Variants in AK8 observed in about 807,000 individuals in gnomAD.
AK8 encodes adenylate kinase 8, also known as ATP-AMP transphosphorylase 8.
Under a neutral mutation model 54.6 loss-of-function variants are expected in AK8, and 44 were observed. The observed-to-expected ratio is 0.81, with a 90% CI of 0.63 to 1.04. AK8 has a LOEUF of 1.04. Among genes scored for constraint, AK8 ranks in the 50% least tolerant of loss-of-function variants. The pLI is 0.00. For missense variants in AK8, 555 were observed against 613.6 expected (o/e 0.90, Z 1.01); for synonymous variants, 239 against 245.6 (o/e 0.97, Z 0.25).
intron 5 of AK8, among the ~76,000 whole-genome samples, chr9:132,845,991 G>T (rs1296846639): frequency 6.6e-6 from 1 of 152,106 alleles, no homozygotes; most frequent in Non-Finnish European, 1.5e-5. Flanking sequence ...GGGGAAAGAA[G>T]GGCAGTGCGG....
intron 5 of AK8, among the ~76,000 whole-genome samples, chr9:132,835,869 A>G (rs1340970501): frequency 6.6e-6 from 1 of 152,226 alleles, no homozygotes; most frequent in East Asian, 1.9e-4. Context: ...CACGCCTGTA[A>G]TCCCAGCACT....
intron 11 of AK8, among the ~76,000 whole-genome samples, chr9:132,734,700 T>C (rs746134584): frequency 1.6e-4 from 25 of 152,116 alleles, no homozygotes; most frequent in Admixed American, 5.9e-4. Flanking sequence ...CACACCACTG[T>C]ACTCCGGCCT....
Position 132,796,770 on chromosome 9 carries a change from TACACACACACACACAC to T in AK8, c.980-4011_980-3996del, listed in dbSNP as rs10590924. Among the ~76,000 whole-genome samples, 303 of 142,394 alleles carry T rather than the reference TACACACACACACACAC, an allele frequency of 2.1e-3. 2 individuals carry two copies. The highest frequency in any genetic ancestry group is 8.9e-3 in the South Asian group (38 of 4,264). 93.4% of individuals were successfully genotyped at this position (142,394 alleles called of 152,430 possible). A position where few individuals can be genotyped will look rare whatever the true frequency, so the allele number is the denominator to read the frequency against. On this transcript the variant is annotated intron_variant, in intron 10 of 12. Coordinates refer to ENST00000298545, the MANE Select transcript of AK8 (RefSeq NM_152572.3). ...TTAATATATACACATACATACATGC[TACACACACACACACAC>T]ACACACACACACACACACACACACA... is the stretch of plus-strand genomic sequence containing the variant.
intron 4 of AK8, 76 bp downstream of exon 4, chr9:132,863,589 A>C (rs1198296875): frequency 1.7e-5 from 17 of 985,182 alleles, no homozygotes; most frequent in Non-Finnish European, 2.7e-5. Flanking sequence ...CAAACCAAGC[A>C]ATGGTCAGGT....
chr9:132,845,147 G>A (rs1053234621), intron 5 of AK8, among the ~76,000 whole-genome samples: 25 of 152,188 alleles, frequency 1.6e-4, no homozygotes, highest in Non-Finnish European at 7.3e-5. Context: ...AGTGCAAGGT[G>A]CACCTGCAAT....
At chr9:132,849,359 A>G (rs987298676) in intron 5 of AK8, among the ~76,000 whole-genome samples, 3 of 152,210 alleles carry the variant, frequency 2.0e-5, no homozygotes, top group African/African-American at 7.2e-5. Context: ...GTCTTTCTAG[A>G]GCACAGCCGT....
intron 11 of AK8, among the ~76,000 whole-genome samples, chr9:132,740,590 A>G (rs1025580576): frequency 6.6e-6 from 1 of 152,188 alleles, no homozygotes; most frequent in Non-Finnish European, 1.5e-5. Context: ...GTTCCCGACT[A>G]CGCAGTGGAA....
chr9:132,770,948 C>A lies in AK8; in HGVS notation c.1121+21686G>T, dbSNP rs1191480982. Among the ~76,000 whole-genome samples the A allele has an allele frequency of 6.6e-6, 1 of 152,142 alleles. No individual in the cohort carries two copies. The highest frequency in any genetic ancestry group is 6.5e-5 in the Admixed American group (1 of 15,286). On this transcript the variant is annotated intron_variant, in intron 11 of 12. Coordinates refer to ENST00000298545, the MANE Select transcript of AK8 (RefSeq NM_152572.3). The surrounding 1 kb of genome is among the most constrained non-coding windows in gnomAD (Gnocchi z 4.3). ...GGGAGCAGCTGGTGGCCTCGGCAAA[C>A]GCAGCACAGGAGATGGGAGGGTCTG... is the stretch of plus-strand genomic sequence containing the variant.
At position 132,860,338 on chromosome 9, in the gene AK8, T is replaced by C. The variant is rs1843335508; in HGVS notation, c.333+3327A>G. Among the ~76,000 whole-genome samples the C allele has an allele frequency of 6.6e-6, 1 of 152,306 alleles. No individual in the cohort carries two copies. The highest frequency in any genetic ancestry group is 2.4e-5 in the African/African-American group (1 of 41,560). ...TGATAATGTGTCTCTATGCGTTTAC[T>C]GAAAAAGGGCCCTTATCTTTGGGTT... On this transcript the variant is annotated intron_variant, in intron 4 of 12. Transcript: ENST00000298545. The surrounding 1 kb of genome is among the most constrained non-coding windows in gnomAD (Gnocchi z 4.4).
chr9:132,859,944 T>C (rs1391335754), intron 4 of AK8, among the ~76,000 whole-genome samples: 4 of 152,092 alleles, frequency 2.6e-5, no homozygotes, highest in Non-Finnish European at 5.9e-5. Flanking sequence ...CTGGAAACCA[T>C]GTCCCTTTCA....
chr9:132,845,190 C>T (rs1842699131), intron 5 of AK8, among the ~76,000 whole-genome samples: 1 of 152,140 alleles, frequency 6.6e-6, no homozygotes. Context: ...AGACCAGGCG[C>T]GTAGACTACA....
chr9:132,878,426 C>T, upstream of AK8: 2 of 1,233,980 alleles, frequency 1.6e-6, no homozygotes, highest in Admixed American at 4.3e-5. The surrounding 1 kb of genome is among the most constrained non-coding windows in gnomAD (Gnocchi z 4.7). Context: ...CTGACGCGCT[C>T]TGCGGCTCGG....
At chr9:132,800,067 G>A (rs550745505) in intron 10 of AK8, among the ~76,000 whole-genome samples, 26 of 152,272 alleles carry the variant, frequency 1.7e-4, no homozygotes, top group Middle Eastern at 3.4e-3. Flanking sequence ...AGCGGGGCTC[G>A]CATCCCGCCA....
chr9:132,798,049 A>C (rs965458853), intron 10 of AK8, among the ~76,000 whole-genome samples: 1 of 152,198 alleles, frequency 6.6e-6, no homozygotes, highest in African/African-American at 2.4e-5. Context: ...AAGGAACTGC[A>C]CTGGTCCTCT....
chr9:132,852,521 A>G (rs1843003386), intron 5 of AK8, among the ~76,000 whole-genome samples: 1 of 151,772 alleles, frequency 6.6e-6, no homozygotes, highest in Non-Finnish European at 1.5e-5. Context: ...GAGGCAGGAG[A>G]ATAGCTTGAA....
At chr9:132,818,563 T>C (rs1373351535) in intron 9 of AK8, among the ~76,000 whole-genome samples, 1 of 151,224 alleles carries the variant, frequency 6.6e-6, no homozygotes, top group East Asian at 1.9e-4. Context: ...ACTAACAAAA[T>C]AAAGCAAAGA....
intron 11 of AK8, among the ~76,000 whole-genome samples, chr9:132,753,324 C>T (rs1838038597): frequency 6.6e-6 from 1 of 152,258 alleles, no homozygotes; most frequent in African/African-American, 2.4e-5. Flanking sequence ...CCTGGCCCTG[C>T]AGGATGTGGG....
chr9:132,754,195 G>C (rs1258387275), intron 11 of AK8, among the ~76,000 whole-genome samples: 1 of 152,226 alleles, frequency 6.6e-6, no homozygotes, highest in Non-Finnish European at 1.5e-5. Context: ...GGTCGGGAAA[G>C]GGGAAGCAGA....
rs768709977 is a variant in AK8 at position 132,854,850 on chromosome 9, G to A, written c.402+7C>T. 4.3e-6 allele frequency: 7 copies of A among 1,614,028 alleles called. No individual in the cohort carries two copies. Among genetic ancestry groups the A allele is most frequent in the Admixed American group, 1.7e-5 (1 of 60,000 alleles). ...GCACTGAAACCCCTAGCTCACTGGA[G>A]TCTTACCTGCTTGATGCAATCCTCT... On this transcript the variant is annotated splice_region_variant and intron_variant, in intron 5 of 12. Transcript: ENST00000298545.
Sources: allele counts gnomAD v4.1 joint callset (sites outside exome capture counted in the v4.1 genomes callset), GRCh38; gene constraint gnomAD v4.1.1; non-coding constraint Gnocchi (gnomAD v3.1); transcripts MANE v1.5; gene names NCBI Gene and HGNC (gene_info 2026-07-23, HGNC 2026-07-21).